Variants in ELMOD1 observed in about 807,000 individuals in gnomAD.
The protein encoded by ELMOD1 is ELMO domain containing 1.
Under a neutral mutation model 46.7 loss-of-function variants are expected in ELMOD1, and 21 were observed. The ratio of observed to expected loss-of-function variants is 0.45; its 90% confidence interval spans 0.32 to 0.65. The LOEUF (loss-of-function observed/expected upper bound fraction) is 0.65. ELMOD1 is among the 30% of genes least tolerant of loss of function. The pLI is 0.04. For missense variants in ELMOD1, 348 were observed against 407.8 expected (o/e 0.85, Z 1.26); for synonymous variants, 122 against 138.2 (o/e 0.88, Z 0.82).
At chr11:107,656,934 C>T (rs498880) in intron 11 of ELMOD1, among the ~76,000 whole-genome samples, 21,512 of 152,062 alleles carry the variant, frequency 0.14, 3,606 homozygotes, top group African/African-American at 0.39. Flanking sequence ...ATTAACGGAT[C>T]ACTCTGTGAA....
chr11:107,654,713 G>A (rs911012336), intron 10 of ELMOD1, among the ~76,000 whole-genome samples: 8 of 150,064 alleles, frequency 5.3e-5, no homozygotes, highest in African/African-American at 1.7e-4. Context: ...AGCTTGCAGT[G>A]AGTGGAGATG....
intron 11 of ELMOD1, among the ~76,000 whole-genome samples, chr11:107,657,101 A>G (rs1866647758): frequency 6.6e-6 from 1 of 152,152 alleles, no homozygotes. Flanking sequence ...GTATACCCAC[A>G]CCAAGGTTCT....
chr11:107,650,221 A>C (rs2135709062), intron 7 of ELMOD1, 114 bp from the exon 8 acceptor site: 1 of 675,058 alleles, frequency 1.5e-6, no homozygotes, highest in East Asian at 2.8e-5. Context: ...ACAAGTGATA[A>C]CCTTATGCCA....
intron 1 of ELMOD1, among the ~76,000 whole-genome samples, chr11:107,616,274 G>A (rs1591110602): frequency 2.0e-5 from 3 of 152,094 alleles, no homozygotes; most frequent in African/African-American, 7.2e-5. Flanking sequence ...GAGATTACAG[G>A]TGTGAGCCAC....
At chr11:107,656,157 G>A (rs1866627757) in intron 11 of ELMOD1, 91 bp downstream of exon 11, 2 of 1,379,634 alleles carry the variant, frequency 1.4e-6, no homozygotes, top group Non-Finnish European at 2.0e-6. Context: ...GGAGGCCAAG[G>A]CGAGTGGATT....
intron 7 of ELMOD1, among the ~76,000 whole-genome samples, chr11:107,650,126 ATG>A (rs1252032473): frequency 6.6e-6 from 1 of 152,144 alleles, no homozygotes; most frequent in Non-Finnish European, 1.5e-5. Context: ...TCCTAAATCT[ATG>A]TGTGTTTCAC....
chr11:107,612,770 AC>A (rs954065263), intron 1 of ELMOD1, among the ~76,000 whole-genome samples: 3 of 152,240 alleles, frequency 2.0e-5, no homozygotes, highest in African/African-American at 7.2e-5. Context: ...AAACAAAGCT[AC>A]TTGACTTTAA....
intron 2 of ELMOD1, chr11:107,625,470 A>T (rs1367832213): frequency 2.0e-6 from 2 of 985,296 alleles, no homozygotes; most frequent in African/African-American, 3.5e-5. Context: ...CTTTTCTCTT[A>T]CTGTTCCAAA....
At chr11:107,664,657 A>G (rs1866809691) in intron 11 of ELMOD1, among the ~76,000 whole-genome samples, 1 of 152,184 alleles carries the variant, frequency 6.6e-6, no homozygotes, top group Admixed American at 6.5e-5. Context: ...AGTGATTTTG[A>G]AAAGTTGGAC....
intron 10 of ELMOD1, among the ~76,000 whole-genome samples, chr11:107,654,904 G>T (rs577099130): frequency 1.3e-5 from 2 of 151,902 alleles, no homozygotes; most frequent in South Asian, 2.1e-4. Context: ...TCTGAATAGA[G>T]AATTTTTTTT....
Position 107,629,260 on chromosome 11 carries a change from A to G in ELMOD1, c.18-1157A>G, listed in dbSNP as rs1866096291. Among the ~76,000 whole-genome samples, 3 of 152,232 alleles carry G rather than the reference A, an allele frequency of 2.0e-5. No individual in the cohort carries two copies. The South Asian group carries it at 6.2e-4, about 31-fold the overall frequency. On this transcript the variant is annotated intron_variant, in intron 2 of 11. Coordinates refer to ENST00000265840, the MANE Select transcript of ELMOD1 (RefSeq NM_018712.4). Reference sequence around the variant, plus strand: ...TTTGATTCTTTTTCAGGGATGGATCACATTGTAGAGGCTACTAGTTAACTA... The same window carrying G: ...TTTGATTCTTTTTCAGGGATGGATCGCATTGTAGAGGCTACTAGTTAACTA...
chr11:107,598,297 A>G (rs1271870937), intron 1 of ELMOD1, among the ~76,000 whole-genome samples: 1 of 152,164 alleles, frequency 6.6e-6, no homozygotes, highest in Non-Finnish European at 1.5e-5. Flanking sequence ...GAAAAGACTA[A>G]TGGCCCAGCT....
chr11:107,595,188 C>G (rs1865472431), intron 1 of ELMOD1, among the ~76,000 whole-genome samples: 1 of 151,398 alleles, frequency 6.6e-6, no homozygotes, highest in Admixed American at 6.6e-5. Flanking sequence ...TCAGAAGAGC[C>G]TCATGTGTTT....
At chr11:107,611,204 A>T (rs1160201056) in intron 1 of ELMOD1, among the ~76,000 whole-genome samples, 2 of 152,144 alleles carry the variant, frequency 1.3e-5, no homozygotes, top group African/African-American at 4.8e-5. Context: ...ATATTCACAA[A>T]CTATGCATCT....
intron 6 of ELMOD1, among the ~76,000 whole-genome samples, chr11:107,642,415 C>A (rs11821158): frequency 1.3e-5 from 2 of 152,090 alleles, no homozygotes; most frequent in Admixed American, 6.5e-5. Context: ...GTCACCCAGG[C>A]TGGAGTGCAG....
At chr11:107,653,839 A>C in intron 9 of ELMOD1, 1 of 215,926 alleles carries the variant, frequency 4.6e-6, no homozygotes, top group Non-Finnish European at 9.4e-6. Context: ...GTAGGGAATC[A>C]GGAGAGAGTG....
chr11:107,598,223 C>T (rs568450613), intron 1 of ELMOD1, among the ~76,000 whole-genome samples: 24 of 152,254 alleles, frequency 1.6e-4, no homozygotes, highest in African/African-American at 5.5e-4. Flanking sequence ...AGAAGTCCTA[C>T]AATCTGCTGT....
At chr11:107,660,880 C>T (rs1866727414) in intron 11 of ELMOD1, among the ~76,000 whole-genome samples, 1 of 152,194 alleles carries the variant, frequency 6.6e-6, no homozygotes, top group African/African-American at 2.4e-5. Flanking sequence ...CTCCAATAGA[C>T]CCAGCATTAG....
intron 10 of ELMOD1, among the ~76,000 whole-genome samples, chr11:107,655,649 G>A (rs574362076): frequency 7.4e-6 from 1 of 135,050 alleles, no homozygotes; most frequent in South Asian, 2.2e-4. Flanking sequence ...TGGCTACTCC[G>A]TGGGTAGAGC....
Sources: gnomAD v4.1 joint callset for allele counts (sites outside exome capture counted in the v4.1 genomes callset) on GRCh38, gnomAD v4.1.1 for gene constraint, MANE v1.5 for transcripts, NCBI Gene and HGNC (gene_info 2026-07-23, HGNC 2026-07-21) for gene names.